The following DOK6 variants were observed in gnomAD, a reference collection of about 807,000 sequenced individuals.
DOK6 encodes docking protein 6.
Under a neutral mutation model 44.0 loss-of-function variants are expected in DOK6, and 22 were observed. The ratio of observed to expected loss-of-function variants is 0.50; its 90% CI spans 0.36 to 0.71. DOK6 has a LOEUF of 0.71. DOK6 is among the 30% of genes least tolerant of loss of function. The probability of loss-of-function intolerance (pLI) is 0.00; values close to 1 mark genes in which losing one functional copy is unlikely to be tolerated. For synonymous variants in DOK6, 166 were observed against 145.5 expected, an observed-to-expected ratio of 1.14 and a Z score of -1.01; for missense variants, 340 against 416.4, an observed-to-expected ratio of 0.82 and a Z score of 1.60.
At chr18:69,682,777 C>A (rs1280265357) in intron 4 of DOK6, among the ~76,000 whole-genome samples, 1 of 152,018 alleles carries the variant, frequency 6.6e-6, no homozygotes, top group African/African-American at 2.4e-5. Context: ...AAAAAATATG[C>A]CAAAATAAAA....
At chr18:69,590,987 T>A (rs1156596787) in intron 2 of DOK6, among the ~76,000 whole-genome samples, 2 of 152,192 alleles carry the variant, frequency 1.3e-5, no homozygotes, top group African/African-American at 4.8e-5. Flanking sequence ...TCTTTTCTAC[T>A]GGTTTTCATT....
At chr18:69,767,656 A>C (rs1384386581) in intron 7 of DOK6, among the ~76,000 whole-genome samples, 1 of 152,148 alleles carries the variant, frequency 6.6e-6, no homozygotes, top group Non-Finnish European at 1.5e-5. Context: ...AGCCTTTCAG[A>C]GACCTTTCTT....
At chr18:69,478,280 G>C (rs1434687551) in intron 1 of DOK6, among the ~76,000 whole-genome samples, 1 of 152,056 alleles carries the variant, frequency 6.6e-6, no homozygotes, top group African/African-American at 2.4e-5. Context: ...GCATTTGCCT[G>C]TTAAATTATA....
chr18:69,538,084 T>G (rs1982169915), intron 1 of DOK6, among the ~76,000 whole-genome samples: 1 of 152,196 alleles, frequency 6.6e-6, no homozygotes, highest in Admixed American at 6.5e-5. Context: ...CTATCATTAT[T>G]TTATTGAAAT....
chr18:69,528,311 T>C (rs1981893958), intron 1 of DOK6, among the ~76,000 whole-genome samples: 1 of 152,216 alleles, frequency 6.6e-6, no homozygotes, highest in South Asian at 2.1e-4. Context: ...GTCATAAATA[T>C]AACGGTTATA....
intron 1 of DOK6, among the ~76,000 whole-genome samples, chr18:69,559,810 G>A (rs1982783878): frequency 1.3e-5 from 2 of 152,068 alleles, no homozygotes. Context: ...CTTGCACATG[G>A]CCACATTCTC....
At chr18:69,652,087 A>G (rs551346336) in intron 3 of DOK6, among the ~76,000 whole-genome samples, 5 of 152,266 alleles carry the variant, frequency 3.3e-5, no homozygotes, top group African/African-American at 1.2e-4. Flanking sequence ...TCCCATAGGC[A>G]TTTACACACA....
At chr18:69,837,064 T>C (rs1404902778) in intron 7 of DOK6, among the ~76,000 whole-genome samples, 3 of 152,188 alleles carry the variant, frequency 2.0e-5, no homozygotes, top group Non-Finnish European at 4.4e-5. Flanking sequence ...CTAGAAATTC[T>C]TCACAGAGGA....
At chr18:69,656,436 G>A (rs944776920) in intron 3 of DOK6, among the ~76,000 whole-genome samples, 12 of 152,160 alleles carry the variant, frequency 7.9e-5, no homozygotes, top group East Asian at 1.9e-4. Flanking sequence ...TCTAGTCAGC[G>A]TGCTGTGTGA....
chr18:69,401,320 T>G lies in DOK6; in HGVS notation c.66+10T>G. On this transcript the variant is annotated intron_variant, in intron 1 of 7. Coordinates refer to ENST00000382713, the MANE Select transcript of DOK6 (RefSeq NM_152721.6). ...CAGCAGGAAGCTTGGGGTGAGTGGC[T>G]CGCTCGGCTTGCTCCTTCCCCGGCG... 6.6e-7 allele frequency: 1 copy of G among 1,522,882 alleles called. No homozygotes were observed. The highest frequency in any genetic ancestry group is 1.3e-5 in the South Asian group (1 of 79,990). 94.3% of individuals were successfully genotyped at this position (1,522,882 alleles called of 1,614,324 possible).
chr18:69,839,756 G>C (rs1172290769), intron 7 of DOK6, among the ~76,000 whole-genome samples: 1 of 152,192 alleles, frequency 6.6e-6, no homozygotes, highest in Non-Finnish European at 1.5e-5. Flanking sequence ...GCCTCCAGGC[G>C]CCGTGGGGCA....
Position 69,706,716 on chromosome 18 carries a change from A to G in DOK6, c.599+8123A>G, listed in dbSNP as rs1043499495. Reference sequence around the variant, plus strand: ...ACCCCACAACAGTCCCCAGAGTGTGATGTTCCCCTTCCTGTGTCCATGTGT... The same window carrying G: ...ACCCCACAACAGTCCCCAGAGTGTGGTGTTCCCCTTCCTGTGTCCATGTGT... On this transcript the variant is annotated intron_variant, in intron 5 of 7. Coordinates refer to ENST00000382713, the MANE Select transcript of DOK6 (RefSeq NM_152721.6). Among the ~76,000 whole-genome samples, 212 of 118,794 alleles carry G rather than the reference A, an allele frequency of 1.8e-3. 1 individual carries two copies. Among genetic ancestry groups the G allele is most frequent in the African/African-American group, 6.3e-3 (193 of 30,792 alleles). The allele number at this position is 118,794 out of a possible 152,430, so 77.9% of individuals were successfully genotyped here. A position where few individuals can be genotyped will look rare whatever the true frequency, so the allele number is the denominator to read the frequency against.
intron 7 of DOK6, among the ~76,000 whole-genome samples, chr18:69,820,022 C>A (rs921460447): frequency 4.6e-5 from 7 of 152,158 alleles, no homozygotes; most frequent in Admixed American, 3.9e-4. Flanking sequence ...TCCTGGGCTG[C>A]AGGTTAGACA....
intron 7 of DOK6, among the ~76,000 whole-genome samples, chr18:69,784,281 G>T (rs888540094): frequency 6.6e-6 from 1 of 152,050 alleles, no homozygotes; most frequent in Non-Finnish European, 1.5e-5. Flanking sequence ...AATGATAAAT[G>T]TATGTGGGCA....
chr18:69,420,558 TG>T (rs1978462333), intron 1 of DOK6, among the ~76,000 whole-genome samples: 1 of 152,140 alleles, frequency 6.6e-6, no homozygotes, highest in Non-Finnish European at 1.5e-5. Context: ...TTGTTACATA[TG>T]TATACATGTG....
intron 1 of DOK6, among the ~76,000 whole-genome samples, chr18:69,519,065 T>C (rs1981617575): frequency 6.6e-6 from 1 of 152,092 alleles, no homozygotes; most frequent in African/African-American, 2.4e-5. Context: ...ATATTGTAGT[T>C]GGCTTTCAGA....
intron 3 of DOK6, among the ~76,000 whole-genome samples, chr18:69,648,898 A>G (rs1323967125): frequency 9.9e-5 from 15 of 152,224 alleles, no homozygotes; most frequent in African/African-American, 3.6e-4. Context: ...TATGTTAAAC[A>G]TCTATAAATT....
chr18:69,509,656 AAAAAAAAC>A (rs554252370), intron 1 of DOK6, among the ~76,000 whole-genome samples: 16,760 of 149,380 alleles, frequency 0.11, 1,290 homozygotes, highest in Non-Finnish European at 0.16. Flanking sequence ...AAAAAAAAAA[AAAAAAAAC>A]ACACAAGTCA....
chr18:69,684,797 T>C (rs527700417), intron 4 of DOK6, among the ~76,000 whole-genome samples: 1 of 152,184 alleles, frequency 6.6e-6, no homozygotes, highest in African/African-American at 2.4e-5. Flanking sequence ...GCCAGAGAGA[T>C]TTAAGAAAGT....
Sources: gnomAD v4.1 joint callset for allele counts (sites outside exome capture counted in the v4.1 genomes callset) on GRCh38, gnomAD v4.1.1 for gene constraint, MANE v1.5 for transcripts, NCBI Gene and HGNC (gene_info 2026-07-23, HGNC 2026-07-21) for gene names.